The following MARCHF3 variants were observed in gnomAD, a reference collection of about 807,000 sequenced individuals.
MARCHF3 encodes the protein membrane associated ring-CH-type finger 3, also known as E3 ubiquitin-protein ligase MARCHF3.
A neutral mutation model predicts 24.2 loss-of-function variants in MARCHF3; 13 were observed. The observed-to-expected ratio is 0.54, with a 90% CI of 0.35 to 0.85. The LOEUF (loss-of-function observed/expected upper bound fraction) is 0.85. Among genes scored for constraint, MARCHF3 ranks in the 40% least tolerant of loss-of-function variants. The pLI is 0.01. For missense variants in MARCHF3, 276 were observed against 325.0 expected, an observed-to-expected ratio of 0.85 and a Z score of 1.16; for synonymous variants, 144 against 137.3, an observed-to-expected ratio of 1.05 and a Z score of -0.34.
At chr5:127,018,579 G>A (rs183770734) in intron 1 of MARCHF3, among the ~76,000 whole-genome samples, 1 of 152,252 alleles carries the variant, frequency 6.6e-6, no homozygotes, top group Non-Finnish European at 1.5e-5. Flanking sequence ...AACTGAAGAT[G>A]TGTGATCCAA....
At chr5:126,993,947 A>G (rs1751861406) in intron 1 of MARCHF3, among the ~76,000 whole-genome samples, 1 of 152,238 alleles carries the variant, frequency 6.6e-6, no homozygotes, top group South Asian at 2.1e-4. Flanking sequence ...TACTTTGGAA[A>G]ATGGTTCAGC....
intron 1 of MARCHF3, among the ~76,000 whole-genome samples, chr5:127,010,166 A>G (rs1752431588): frequency 6.6e-6 from 1 of 152,186 alleles, no homozygotes; most frequent in Non-Finnish European, 1.5e-5. Context: ...GACTTCATAG[A>G]GAAATCTTTG....
chr5:126,899,030 ACCT>A (rs1386760220), intron 3 of MARCHF3: 1 of 985,166 alleles, frequency 1.0e-6, no homozygotes, highest in Non-Finnish European at 1.2e-6. Context: ...CACCAACATA[ACCT>A]TCTTCTCACA....
intron 4 of MARCHF3, among the ~76,000 whole-genome samples, chr5:126,871,870 C>A (rs111813396): frequency 0.053 from 7,991 of 151,868 alleles, 361 homozygotes; most frequent in African/African-American, 0.12. Flanking sequence ...CCATGCCTGG[C>A]AAATTTTTGT....
intron 3 of MARCHF3, among the ~76,000 whole-genome samples, chr5:126,881,441 A>G (rs1561775703): frequency 6.6e-6 from 1 of 152,232 alleles, no homozygotes; most frequent in Non-Finnish European, 1.5e-5. Flanking sequence ...AGATATATCC[A>G]TATATCGACA....
At position 126,953,718 on chromosome 5, in the gene MARCHF3, G is replaced by C. The variant is rs558129831; in HGVS notation, c.-56-35491C>G. On this transcript the variant is annotated intron_variant, in intron 1 of 4. Coordinates refer to ENST00000308660, the MANE Select transcript of MARCHF3 (RefSeq NM_178450.5). ...TGTGTTCAAAATTTCATAAGGAGTTGCCTTTTAATCTGAAGGCTCTTGCCT... is the reference window on the plus strand; with the variant it reads ...TGTGTTCAAAATTTCATAAGGAGTTCCCTTTTAATCTGAAGGCTCTTGCCT... Among the ~76,000 whole-genome samples, 4 of 152,244 alleles carry C rather than the reference G, an allele frequency of 2.6e-5. No homozygotes were observed. In the South Asian group the frequency reaches 8.3e-4, roughly 32 times the overall value.
intron 1 of MARCHF3, among the ~76,000 whole-genome samples, chr5:126,998,806 G>C (rs891104487): frequency 2.0e-5 from 3 of 152,258 alleles, no homozygotes; most frequent in Admixed American, 6.5e-5. Context: ...GCCACAATAA[G>C]TTGAGAAGCT....
chr5:126,925,846 A>T (rs1168246609), intron 1 of MARCHF3, among the ~76,000 whole-genome samples: 1 of 152,132 alleles, frequency 6.6e-6, no homozygotes, highest in East Asian at 1.9e-4. Context: ...ATTAAAATGT[A>T]CTCTTCAAAT....
intron 1 of MARCHF3, among the ~76,000 whole-genome samples, chr5:126,984,639 C>T (rs1295660559): frequency 8.5e-5 from 13 of 152,256 alleles, no homozygotes; most frequent in East Asian, 5.8e-4. Flanking sequence ...AGAGTCACCC[C>T]GCCAAGAAAA....
intron 3 of MARCHF3, among the ~76,000 whole-genome samples, chr5:126,908,881 G>A (rs1199253522): frequency 3.3e-5 from 5 of 152,170 alleles, no homozygotes; most frequent in Non-Finnish European, 5.9e-5. Flanking sequence ...CGTTCCTTTG[G>A]AGGAGGAGAG....
intron 2 of MARCHF3, among the ~76,000 whole-genome samples, 161 bp downstream of exon 2, chr5:126,917,823 G>A (rs1748941312): frequency 6.6e-6 from 1 of 151,440 alleles, no homozygotes; most frequent in African/African-American, 2.4e-5. Context: ...CTATAGAAAC[G>A]GCAATAACAG....
chr5:126,963,341 C>T (rs1445457309), intron 1 of MARCHF3, among the ~76,000 whole-genome samples: 1 of 152,020 alleles, frequency 6.6e-6, no homozygotes, highest in Non-Finnish European at 1.5e-5. Flanking sequence ...AATTATACAT[C>T]ATGTTTGTTA....
intron 3 of MARCHF3, among the ~76,000 whole-genome samples, chr5:126,905,967 C>T (rs1442253100): frequency 6.6e-6 from 1 of 151,882 alleles, no homozygotes; most frequent in African/African-American, 2.4e-5. Flanking sequence ...ATAGATAGCG[C>T]TTATTATTTT....
At chr5:126,878,900 A>G (rs1158758784) in intron 3 of MARCHF3, among the ~76,000 whole-genome samples, 1 of 152,230 alleles carries the variant, frequency 6.6e-6, no homozygotes, top group Admixed American at 6.5e-5. Context: ...ATTTTACCTG[A>G]TAAGAGTATT....
intron 1 of MARCHF3, among the ~76,000 whole-genome samples, chr5:126,981,375 G>C (rs1381037539): frequency 1.8e-4 from 28 of 152,108 alleles, no homozygotes; most frequent in Admixed American, 1.8e-3. Flanking sequence ...GAGCATCTTG[G>C]GCTCTTGGCC....
At position 126,976,438 on chromosome 5, in the gene MARCHF3, G is replaced by C. The variant is rs144978375; in HGVS notation, c.-57+53912C>G. Among the ~76,000 whole-genome samples the C allele has an allele frequency of 1.9e-3, 282 of 152,292 alleles. 1 individual carries two copies. Among genetic ancestry groups the C allele is most frequent in the Middle Eastern group, 6.8e-3 (2 of 294 alleles). On this transcript the variant is annotated intron_variant, in intron 1 of 4. Coordinates refer to ENST00000308660, the MANE Select transcript of MARCHF3 (RefSeq NM_178450.5). ...CAGCTCCTCTGCTACTTGGTCTCCA[G>C]GTTCATTGCCTCTGCTTTGGGCTAC...
intron 1 of MARCHF3, among the ~76,000 whole-genome samples, chr5:126,951,512 C>T (rs1750230347): frequency 1.3e-5 from 2 of 152,228 alleles, no homozygotes; most frequent in Admixed American, 1.3e-4. Flanking sequence ...CCACCCCCAA[C>T]AAAACTGTTC....
At chr5:126,973,153 A>G (rs1751071802) in intron 1 of MARCHF3, among the ~76,000 whole-genome samples, 1 of 152,254 alleles carries the variant, frequency 6.6e-6, no homozygotes, top group Non-Finnish European at 1.5e-5. Context: ...AATAAAATGT[A>G]ATCAACACTC....
intron 4 of MARCHF3, among the ~76,000 whole-genome samples, chr5:126,873,044 T>C (rs528026222): frequency 2.0e-5 from 3 of 152,132 alleles, no homozygotes; most frequent in Non-Finnish European, 4.4e-5. Context: ...TCTGGGAACA[T>C]TACGGGAAAG....
Sources: gnomAD v4.1 joint callset for allele counts (sites outside exome capture counted in the v4.1 genomes callset) on GRCh38, gnomAD v4.1.1 for gene constraint, MANE v1.5 for transcripts, NCBI Gene and HGNC (gene_info 2026-07-23, HGNC 2026-07-21) for gene names.